Variants in DOCK2 observed in about 807,000 individuals in gnomAD.
DOCK2 encodes dedicator of cytokinesis protein 2.
DOCK2 carries 87 observed loss-of-function variants against 248.9 expected under a neutral mutation model. That is an observed-to-expected ratio of 0.35 (90% CI 0.29 to 0.42). DOCK2 has a LOEUF of 0.42. Among genes scored for constraint, DOCK2 ranks in the 10% least tolerant of loss-of-function variants. The pLI, the probability that DOCK2 is intolerant of heterozygous loss-of-function variation, is 1.00. For synonymous variants in DOCK2, 805 were observed against 821.6 expected (o/e 0.98, Z 0.35); for missense variants, 1,747 against 2,300.2 (o/e 0.76, Z 4.92).
intron 27 of DOCK2, among the ~76,000 whole-genome samples, chr5:169,968,002 A>G (rs186588723): frequency 2.6e-5 from 4 of 152,250 alleles, no homozygotes; most frequent in Admixed American, 2.6e-4. Context: ...GATCATGTTG[A>G]CATGTTAATA....
intron 27 of DOCK2, among the ~76,000 whole-genome samples, chr5:169,957,150 G>T (rs1776903746): frequency 1.3e-5 from 2 of 152,142 alleles, no homozygotes; most frequent in African/African-American, 4.8e-5. Flanking sequence ...TGTGTGATTT[G>T]CTTCTCATTG....
intron 36 of DOCK2, among the ~76,000 whole-genome samples, chr5:170,040,294 G>A (rs1386848190): frequency 6.6e-6 from 1 of 152,168 alleles, no homozygotes; most frequent in Admixed American, 6.5e-5. Context: ...ATTTTCCAAA[G>A]CGCCCTTCCT....
chr5:169,809,074 C>A (rs1288689873), intron 26 of DOCK2, among the ~76,000 whole-genome samples: 1 of 152,072 alleles, frequency 6.6e-6, no homozygotes, highest in Non-Finnish European at 1.5e-5. Flanking sequence ...TGACTGCAAC[C>A]TCCACCTCCT....
In DOCK2 at chr5:169,763,468, C is replaced by A. The variant is rs923472027; in HGVS notation, c.2554+1843C>A. ...TCAGAGCTGCTGTCATTGTCAGGGGCCCGGCTTGGCATCAAGGCCAGATGG... is the reference window on the plus strand; with the variant it reads ...TCAGAGCTGCTGTCATTGTCAGGGGACCGGCTTGGCATCAAGGCCAGATGG... On this transcript the variant is annotated intron_variant, in intron 25 of 51. Transcript: ENST00000520908. The surrounding 1 kb of genome is among the most constrained non-coding windows in gnomAD (Gnocchi z 4.1). 6.6e-6 allele frequency among the ~76,000 whole-genome samples: 1 copy of A among 152,170 alleles called. No individual in the cohort carries two copies. The highest frequency in any genetic ancestry group is 2.4e-5 in the African/African-American group (1 of 41,448).
chr5:169,992,557 CT>C (rs941197697), intron 29 of DOCK2, among the ~76,000 whole-genome samples: 3 of 151,108 alleles, frequency 2.0e-5, no homozygotes, highest in African/African-American at 7.3e-5. Context: ...CTCCAACTCC[CT>C]GGTTGAAGCA....
At chr5:169,933,969 C>T (rs1775874894) in intron 27 of DOCK2, among the ~76,000 whole-genome samples, 1 of 152,130 alleles carries the variant, frequency 6.6e-6, no homozygotes, top group African/African-American at 2.4e-5. Flanking sequence ...TTGTCTTTTT[C>T]TTCACTCAGC....
intron 15 of DOCK2, among the ~76,000 whole-genome samples, chr5:169,709,397 G>A (rs1761452809): frequency 6.6e-6 from 1 of 152,116 alleles, no homozygotes; most frequent in Non-Finnish European, 1.5e-5. Flanking sequence ...ACTAAGTGGT[G>A]TTTTATTAAA....
intron 33 of DOCK2, among the ~76,000 whole-genome samples, chr5:170,021,893 T>C (rs1755741476): frequency 6.6e-6 from 1 of 152,036 alleles, no homozygotes. Context: ...TGAACCCCAA[T>C]ACTGGGGTCT....
At position 170,034,487 on chromosome 5, in the gene DOCK2, C is replaced by T. The variant is rs764165465; in HGVS notation, c.3556C>T (p.Leu1186=). The T allele has an allele frequency of 1.9e-6, 3 of 1,614,190 alleles. No individual in the cohort carries two copies. The highest frequency in any genetic ancestry group is 2.5e-6 in the Non-Finnish European group (3 of 1,180,032). Residue 1186 remains leucine, a synonymous_variant, in exon 35 of 52, where the codon CTG becomes TTG. Transcript: ENST00000520908. The part of the protein sequence containing the change: ...NLVKGLLEKL[L]DYRGVMTDES... ...GGTCAAAGGCCTCCTGGAGAAGCTG[C>T]TGGATTACCGGGGTGTGATGACAGA...
intron 26 of DOCK2, among the ~76,000 whole-genome samples, chr5:169,832,869 A>C (rs1769318354): frequency 6.6e-6 from 1 of 151,962 alleles, no homozygotes; most frequent in African/African-American, 2.4e-5. Flanking sequence ...AAAAAAATGT[A>C]GGCCTTTGGA....
chr5:169,941,858 T>G (rs1776258035), intron 27 of DOCK2, among the ~76,000 whole-genome samples: 2 of 152,186 alleles, frequency 1.3e-5, no homozygotes, highest in Non-Finnish European at 2.9e-5. Flanking sequence ...GCTGCCAATT[T>G]TGGTTTGCGT....
intron 25 of DOCK2, among the ~76,000 whole-genome samples, chr5:169,777,844 A>G (rs1351500077): frequency 6.6e-6 from 1 of 152,216 alleles, no homozygotes; most frequent in Non-Finnish European, 1.5e-5. Context: ...ATTTGCAGTC[A>G]TCTGGTAGCA....
intron 22 of DOCK2, among the ~76,000 whole-genome samples, chr5:169,735,135 C>T (rs1191241383): frequency 2.0e-5 from 3 of 152,194 alleles, no homozygotes; most frequent in African/African-American, 7.2e-5. Flanking sequence ...TTCCACAGTT[C>T]AAATCAGATC....
chr5:169,682,876 A>G (rs535647158), intron 7 of DOCK2, among the ~76,000 whole-genome samples: 33 of 152,288 alleles, frequency 2.2e-4, no homozygotes, highest in Admixed American at 5.2e-4. Flanking sequence ...AGAGTTTCAT[A>G]TAAGTGGAAT....
Position 169,674,445 on chromosome 5 carries a change from A to G in DOCK2, c.470A>G (p.Lys157Arg), listed in dbSNP as rs371312059. Residue 157 changes from lysine (K) to arginine (R), a missense_variant and splice_region_variant, in exon 6 of 52, where the codon AAA (lysine) becomes AGA (arginine). By Grantham distance (26) the Lys-to-Arg change is conservative (BLOSUM62 2). Transcript: ENST00000520908. ...KVTSKIDYGNKILELDLIVRD... is the reference protein window; with the variant it reads ...KVTSKIDYGNRILELDLIVRD... The stretch of plus-strand genomic sequence containing the variant: ...ACGTCCAAAATTGACTATGGCAACA[A>G]GTAACCTCTCTTTCCTCTGCAAAGA... The G allele has an allele frequency of 5.0e-6, 8 of 1,614,122 alleles. No homozygotes were observed. The African/African-American group carries it at 5.3e-5, about 11-fold the overall frequency.
At chr5:170,066,665 A>T (rs1381287880) in intron 44 of DOCK2, among the ~76,000 whole-genome samples, 1 of 152,228 alleles carries the variant, frequency 6.6e-6, no homozygotes, top group African/African-American at 2.4e-5. Flanking sequence ...AAGTCTTAAC[A>T]AATTTAAGAT....
chr5:169,828,642 C>T (rs261628), intron 26 of DOCK2, among the ~76,000 whole-genome samples: 70,641 of 151,798 alleles, frequency 0.47, 17,306 homozygotes, highest in African/African-American at 0.62. Context: ...TTGGTTTCTC[C>T]CATTTCCTGT....
intron 6 of DOCK2, among the ~76,000 whole-genome samples, chr5:169,677,342 CT>C (rs58508527): frequency 6.6e-6 from 1 of 151,986 alleles, no homozygotes; most frequent in African/African-American, 2.4e-5. Context: ...GCTAAACATT[CT>C]TTTTTTTGAT....
chr5:169,686,377 T>C (rs543168564), intron 8 of DOCK2, among the ~76,000 whole-genome samples: 1 of 152,294 alleles, frequency 6.6e-6, no homozygotes, highest in Admixed American at 6.5e-5. Context: ...GCAGCTGTGC[T>C]CCCTGCCGTG....
Sources: allele counts gnomAD v4.1 joint callset (sites outside exome capture counted in the v4.1 genomes callset), GRCh38; gene constraint gnomAD v4.1.1; non-coding constraint Gnocchi (gnomAD v3.1); transcripts MANE v1.5; gene names NCBI Gene and HGNC (gene_info 2026-07-23, HGNC 2026-07-21).